UTP20: variants seen among roughly 807,000 people sequenced by gnomAD.
UTP20 encodes the protein small subunit processome component 20 homolog.
UTP20 carries 164 observed loss-of-function variants against 329.5 expected under a neutral mutation model. The ratio of observed to expected loss-of-function variants is 0.50; its 90% CI spans 0.44 to 0.57. The LOEUF (loss-of-function observed/expected upper bound fraction) is 0.57. Ranked by LOEUF, UTP20 falls within the 20% of genes least tolerant of loss-of-function variation. The pLI is 0.00. For synonymous variants in UTP20, 1,151 were observed against 1,159.3 expected (o/e 0.99, Z 0.14); for missense variants, 3,055 against 3,284.2 (o/e 0.93, Z 1.71).
intron 46 of UTP20, 97 bp from the exon 47 acceptor site, chr12:101,366,461 A>G: frequency 6.9e-7 from 1 of 1,439,662 alleles, no homozygotes; most frequent in Non-Finnish European, 9.4e-7. Flanking sequence ...CACATTATTT[A>G]GTGCTGGGCT....
At chr12:101,280,743 G>C (rs555561992) in intron 1 of UTP20, among the ~76,000 whole-genome samples, 3 of 152,252 alleles carry the variant, frequency 2.0e-5, no homozygotes, top group African/African-American at 7.2e-5. Flanking sequence ...GTCTTCCTTA[G>C]GATACAATCA....
intron 35 of UTP20, among the ~76,000 whole-genome samples, chr12:101,343,384 G>C (rs1593440813): frequency 6.6e-6 from 1 of 152,284 alleles, no homozygotes; most frequent in South Asian, 2.1e-4. Context: ...GTCACTAAAG[G>C]CTGCAGAAAG....
At chr12:101,307,257 A>T (rs1275649017) in intron 17 of UTP20, among the ~76,000 whole-genome samples, 1 of 149,218 alleles carries the variant, frequency 6.7e-6, no homozygotes, top group Non-Finnish European at 1.5e-5. Context: ...CTGAAAATCC[A>T]CCATTAATCG....
At chr12:101,340,471 A>C in intron 31 of UTP20, 52 bp from the exon 32 acceptor site, 5 of 1,152,138 alleles carry the variant, frequency 4.3e-6, no homozygotes, top group Non-Finnish European at 6.3e-6. Context: ...TTAACTTCTT[A>C]GAGAAATATC....
At chr12:101,370,935 T>G in intron 50 of UTP20, 123 bp from the exon 51 acceptor site, 1 of 790,680 alleles carries the variant, frequency 1.3e-6, no homozygotes, top group Non-Finnish European at 2.0e-6. Flanking sequence ...GTCTATCCTT[T>G]TTCTTTTGAA....
intron 38 of UTP20, among the ~76,000 whole-genome samples, 178 bp downstream of exon 38, chr12:101,346,766 G>A (rs543929544): frequency 1.3e-3 from 200 of 152,212 alleles, no homozygotes; most frequent in Non-Finnish European, 2.6e-3. Flanking sequence ...ATAAATGGTG[G>A]CTATTATTTG....
intron 37 of UTP20, among the ~76,000 whole-genome samples, chr12:101,345,897 TTAA>T (rs2120947878): frequency 6.6e-6 from 1 of 152,326 alleles, no homozygotes; most frequent in Admixed American, 6.5e-5. Flanking sequence ...CAAACCACAG[TTAA>T]TAATAGTGTC....
chr12:101,334,233 C>T (rs1593437275), intron 28 of UTP20, among the ~76,000 whole-genome samples, 192 bp from the exon 29 acceptor site: 1 of 152,286 alleles, frequency 6.6e-6, no homozygotes, highest in South Asian at 2.1e-4. Context: ...CATGCATCAC[C>T]TTTGCCATTT....
intron 43 of UTP20, among the ~76,000 whole-genome samples, chr12:101,359,303 A>G (rs778865739): frequency 6.6e-6 from 1 of 152,012 alleles, no homozygotes; most frequent in Non-Finnish European, 1.5e-5. Flanking sequence ...TGGCCTCAAG[A>G]GATCTGCCTG....
In UTP20 at chr12:101,327,192, G is replaced by A. The variant is rs753376385; in HGVS notation, c.3153G>A (p.Glu1051=). The A allele has an allele frequency of 6.2e-7, 1 of 1,612,482 alleles. No individual in the cohort carries two copies. Among genetic ancestry groups the A allele is most frequent in the South Asian group, 1.1e-5 (1 of 91,016 alleles). ...GGTTCCTGGCCGGGACCCAACCTGA[G>A]GAGATCCAGATATTCTTAGACCTGC... ...VLRFLAGTQP[E]EIQIFLDLLF... The change falls in exon 26 of 62, where the codon GAG becomes GAA. Residue 1051 remains glutamate (E), a synonymous_variant. Transcript: ENST00000261637.
intron 35 of UTP20, 21 bp from the exon 36 acceptor site, chr12:101,344,574 T>C (rs1869256310): frequency 1.1e-6 from 1 of 901,470 alleles, no homozygotes; most frequent in African/African-American, 1.6e-5. Context: ...ATAATTTCTT[T>C]TTTATTTCTC....
chr12:101,374,917 T>C lies in UTP20; in HGVS notation c.7241T>C (p.Ile2414Thr), dbSNP rs967143108. Residue 2414 changes from isoleucine (I) to threonine (T), a missense_variant, in exon 55 of 62, where the codon ATT becomes ACT. Around this residue, in one of 3 missense-constraint regions of UTP20, gnomAD observed 273 missense variants for 363.1 expected, o/e 0.75. Transcript: ENST00000261637. ...GTVLPVIEKE[I>T]DPENFKDIME... is the part of the protein sequence containing the mutation. The stretch of plus-strand genomic sequence containing the variant: ...GTCCTTCCTGTGATTGAAAAGGAAA[T>C]TGATCCTGAAAACTTTAAAGATGTA... The C allele has an allele frequency of 1.1e-5, 17 of 1,612,276 alleles. 1 individual carries two copies. In the East Asian group the frequency reaches 3.8e-4, roughly 36 times the overall value.
chr12:101,323,272 T>G (rs1868439766), intron 25 of UTP20, among the ~76,000 whole-genome samples: 1 of 152,210 alleles, frequency 6.6e-6, no homozygotes. Flanking sequence ...TTTTGCAAAA[T>G]AGAAAATCTT....
At chr12:101,346,772 A>G (rs1032078697) in intron 38 of UTP20, among the ~76,000 whole-genome samples, 184 bp downstream of exon 38, 1 of 152,176 alleles carries the variant, frequency 6.6e-6, no homozygotes, top group Non-Finnish European at 1.5e-5. Flanking sequence ...GGTGGCTATT[A>G]TTTGTGTTTT....
At chr12:101,300,275 G>A (rs1872485163) in intron 14 of UTP20, among the ~76,000 whole-genome samples, 1 of 151,936 alleles carries the variant, frequency 6.6e-6, no homozygotes, top group Non-Finnish European at 1.5e-5. Flanking sequence ...ATAAGGAAGG[G>A]GACATATCAA....
intron 58 of UTP20, among the ~76,000 whole-genome samples, chr12:101,381,875 T>C (rs990732028): frequency 6.6e-6 from 1 of 151,542 alleles, no homozygotes; most frequent in Non-Finnish European, 1.5e-5. Context: ...AAAAATTAGC[T>C]GGGCATGGTG....
chr12:101,284,756 A>G (rs546362652), intron 2 of UTP20, among the ~76,000 whole-genome samples: 1 of 152,274 alleles, frequency 6.6e-6, no homozygotes, highest in South Asian at 2.1e-4. Context: ...AAAGCCCATT[A>G]TCTCACTCCT....
At chr12:101,317,710 G>C in intron 22 of UTP20, 47 bp downstream of exon 22, 1 of 1,536,346 alleles carries the variant, frequency 6.5e-7, no homozygotes, top group Non-Finnish European at 8.8e-7. Context: ...GTTCTGGGAG[G>C]AACAGGAAGA....
intron 26 of UTP20, among the ~76,000 whole-genome samples, chr12:101,328,685 A>G (rs1438042972): frequency 1.3e-5 from 2 of 152,222 alleles, no homozygotes; most frequent in East Asian, 3.9e-4. Context: ...CCTGGCCAAC[A>G]TGGTGAAACT....
Sources: allele counts gnomAD v4.1 joint callset (sites outside exome capture counted in the v4.1 genomes callset), GRCh38; gene constraint gnomAD v4.1.1; regional missense constraint gnomAD v4.1.1; transcripts MANE v1.5; gene names NCBI Gene and HGNC (gene_info 2026-07-23, HGNC 2026-07-21).